Variants in FAM47E observed in about 807,000 individuals in gnomAD.
The protein encoded by FAM47E is protein FAM47E.
In FAM47E, 32 loss-of-function variants were observed where a neutral mutation model predicts 41.6. That is an observed-to-expected ratio of 0.77 (90% CI 0.58 to 1.03). The LOEUF (loss-of-function observed/expected upper bound fraction) is 1.03. Ranked by LOEUF, FAM47E falls within the 50% of genes least tolerant of loss-of-function variation. The probability of loss-of-function intolerance (pLI) is 0.00; values close to 1 mark genes in which losing one functional copy is unlikely to be tolerated. For synonymous variants in FAM47E, 184 were observed against 188.7 expected (o/e 0.98, Z 0.20); for missense variants, 424 against 485.4 (o/e 0.87, Z 1.19).
chr4:76,266,264 C>A (rs1734630053), intron 3 of FAM47E, among the ~76,000 whole-genome samples: 1 of 152,194 alleles, frequency 6.6e-6, no homozygotes, highest in African/African-American at 2.4e-5. Flanking sequence ...AACCAAGTGA[C>A]CTCCTCTGGT....
chr4:76,246,555 A>C (rs1560737241), intron 2 of FAM47E, among the ~76,000 whole-genome samples: 1 of 152,030 alleles, frequency 6.6e-6, no homozygotes, highest in African/African-American at 2.4e-5. Context: ...TTATTGAATA[A>C]CTTACATAGT....
intron 3 of FAM47E, among the ~76,000 whole-genome samples, chr4:76,264,395 G>A (rs1462077100): frequency 2.6e-5 from 4 of 151,622 alleles, no homozygotes; most frequent in African/African-American, 9.7e-5. Flanking sequence ...TCTACTGCTT[G>A]GAGTTTCCAC....
chr4:76,220,090 G>A (rs1481650833), intron 2 of FAM47E, among the ~76,000 whole-genome samples: 1 of 152,188 alleles, frequency 6.6e-6, no homozygotes, highest in Non-Finnish European at 1.5e-5. Flanking sequence ...AGGAGATAGA[G>A]ATGCAAATCA....
At chr4:76,253,249 A>AGTTT (rs1396872865) in intron 1 of FAM47E, among the ~76,000 whole-genome samples, 1 of 152,030 alleles carries the variant, frequency 6.6e-6, no homozygotes, top group Non-Finnish European at 1.5e-5. Flanking sequence ...GATGTACCAC[A>AGTTT]GTTTGTTTAT....
At chr4:76,228,608 A>G (rs1733441371) in intron 2 of FAM47E, among the ~76,000 whole-genome samples, 1 of 152,164 alleles carries the variant, frequency 6.6e-6, no homozygotes, top group African/African-American at 2.4e-5. Flanking sequence ...TTATTTATGA[A>G]GCTTAGTTTT....
At chr4:76,256,051 C>T (rs1734177021) in intron 1 of FAM47E, 127 bp from the exon 2 acceptor site, 1 of 1,069,784 alleles carries the variant, frequency 9.3e-7, no homozygotes, top group Non-Finnish European at 1.3e-6. Flanking sequence ...ATCCCACTTC[C>T]CCTACCCCCA....
chr4:76,274,917 A>T (rs1578800522), intron 5 of FAM47E, among the ~76,000 whole-genome samples: 1 of 152,136 alleles, frequency 6.6e-6, no homozygotes, highest in Non-Finnish European at 1.5e-5. Flanking sequence ...CGGTCCTGTC[A>T]TCTCAATTCA....
At chr4:76,241,898 C>T (rs1438777906) in intron 2 of FAM47E, among the ~76,000 whole-genome samples, 2 of 152,180 alleles carry the variant, frequency 1.3e-5, no homozygotes, top group Non-Finnish European at 2.9e-5. Flanking sequence ...AAGCTGCACT[C>T]TTCACGTTGG....
At chr4:76,215,236 GGC>G (rs1733182316) in intron 1 of FAM47E, among the ~76,000 whole-genome samples, 1 of 152,204 alleles carries the variant, frequency 6.6e-6, no homozygotes, top group African/African-American at 2.4e-5. Context: ...ACATTTTCTT[GGC>G]AACTATAGTG....
chr4:76,283,345 T>C (rs1406227937), intron 7 of FAM47E, 36 bp from the exon 8 acceptor site: 5 of 1,340,020 alleles, frequency 3.7e-6, no homozygotes, highest in Non-Finnish European at 5.2e-6. Flanking sequence ...AAGTTTTGTT[T>C]GCCAATCTAA....
At chr4:76,219,486 T>TTTCACA (rs1733270274) in intron 2 of FAM47E, among the ~76,000 whole-genome samples, 1 of 152,242 alleles carries the variant, frequency 6.6e-6, no homozygotes, top group South Asian at 2.1e-4. Flanking sequence ...GGCTGTCTGA[T>TTTCACA]TTCCTGCATG....
At chr4:76,281,580 G>A (rs1371999279) in intron 7 of FAM47E, 2 of 152,038 alleles carry the variant, frequency 1.3e-5, no homozygotes, top group African/African-American at 4.8e-5. Flanking sequence ...TGTGGTATAT[G>A]TGTGTGTATA....
chr4:76,233,606 ATG>A (rs61293228), intron 2 of FAM47E, among the ~76,000 whole-genome samples: 3 of 147,454 alleles, frequency 2.0e-5, no homozygotes, highest in Non-Finnish European at 4.5e-5. Flanking sequence ...ACACACACAT[ATG>A]TAACTGACAA....
intron 2 of FAM47E, among the ~76,000 whole-genome samples, chr4:76,220,164 A>G (rs1484469513): frequency 2.0e-5 from 3 of 152,198 alleles, no homozygotes; most frequent in Non-Finnish European, 4.4e-5. Flanking sequence ...TAGGTATATA[A>G]CCCCCAAAAT....
At chr4:76,270,495 TTGAAGCGGGGATGCTGGA>T (rs1395526822) in intron 4 of FAM47E, among the ~76,000 whole-genome samples, 1 of 152,174 alleles carries the variant, frequency 6.6e-6, no homozygotes, top group Non-Finnish European at 1.5e-5. Flanking sequence ...CAGAGGGTGA[TTGAAGCGGGGATGCTGGA>T]TGAAGCAGAC....
upstream of FAM47E, among the ~76,000 whole-genome samples, chr4:76,248,968 T>C (rs143246112): frequency 1.7e-3 from 264 of 152,288 alleles, 3 homozygotes; most frequent in East Asian, 0.04. Context: ...ATATATAAAA[T>C]AGTATTTTCA....
In FAM47E at chr4:76,278,101, G is replaced by A; in HGVS notation, c.903G>A (p.Arg301=). 1.3e-6 allele frequency: 2 copies of A among 1,548,356 alleles called. No individual in the cohort carries two copies. Among genetic ancestry groups the A allele is most frequent in the Non-Finnish European group, 1.7e-6 (2 of 1,145,980 alleles). ...ATAAGCCAAAGTGGGTGAAGATGAG[G>A]TATGGAGCATGGTATTTGAACCCCA... ...NPYKPKWVKM[R]YGAWYLNPKL... is the part of the protein sequence containing the mutation. Residue 301 remains arginine, a synonymous_variant, in exon 6 of 8, where the codon AGG becomes AGA. Coordinates refer to ENST00000424749, the MANE Select transcript of FAM47E (RefSeq NM_001136570.3).
chr4:76,242,292 T>C (rs1733728392), intron 2 of FAM47E, among the ~76,000 whole-genome samples: 1 of 152,148 alleles, frequency 6.6e-6, no homozygotes. Flanking sequence ...TTCTCGCAAG[T>C]TCTGGTTGTT....
chr4:76,279,902 G>A (rs980105834), intron 6 of FAM47E: 3 of 167,178 alleles, frequency 1.8e-5, no homozygotes, highest in East Asian at 1.7e-4. Flanking sequence ...TGTTGGGACT[G>A]ATCAAATCAT....
Sources: gnomAD v4.1 joint callset for allele counts (sites outside exome capture counted in the v4.1 genomes callset) on GRCh38, gnomAD v4.1.1 for gene constraint, MANE v1.5 for transcripts, NCBI Gene and HGNC (gene_info 2026-07-23, HGNC 2026-07-21) for gene names.